The following ZNF143 variants were observed in gnomAD, a reference collection of about 807,000 sequenced individuals.
ZNF143 encodes the protein SPH-binding factor.
A neutral mutation model predicts 74.1 loss-of-function variants in ZNF143; 49 were observed. That is an observed-to-expected ratio of 0.66 (90% CI 0.53 to 0.84). The LOEUF is 0.84. Ranked by LOEUF, ZNF143 falls within the 40% of genes least tolerant of loss-of-function variation. ZNF143 has a pLI of 0.00. For synonymous variants in ZNF143, 304 were observed against 282.8 expected (o/e 1.07, Z -0.75); for missense variants, 637 against 793.4 (o/e 0.80, Z 2.37).
intron 7 of ZNF143, among the ~76,000 whole-genome samples, chr11:9,489,098 C>G (rs558750909): frequency 6.6e-6 from 1 of 152,106 alleles, no homozygotes; most frequent in Non-Finnish European, 1.5e-5. Context: ...TACTGTAGGT[C>G]ATTGCTATTT....
chr11:9,491,734 A>T (rs1194534126), intron 7 of ZNF143, among the ~76,000 whole-genome samples: 1 of 151,970 alleles, frequency 6.6e-6, no homozygotes, highest in Non-Finnish European at 1.5e-5. Context: ...GACTCGCGCG[A>T]TCCTCTCACC....
intron 3 of ZNF143, 106 bp downstream of exon 3, chr11:9,472,875 G>C: frequency 1.8e-6 from 1 of 549,766 alleles, no homozygotes; most frequent in Non-Finnish European, 2.9e-6. Flanking sequence ...TAAAGATGCT[G>C]TATTGCATAT....
chr11:9,493,938 C>G (rs574042726), intron 7 of ZNF143, among the ~76,000 whole-genome samples: 5 of 152,138 alleles, frequency 3.3e-5, no homozygotes, highest in Non-Finnish European at 5.9e-5. Context: ...ATGACCTACC[C>G]CTTTCTCATT....
chr11:9,466,406 C>T (rs1387657971), intron 1 of ZNF143, among the ~76,000 whole-genome samples: 1 of 151,836 alleles, frequency 6.6e-6, no homozygotes, highest in Non-Finnish European at 1.5e-5. Flanking sequence ...AGCGATTCTC[C>T]TGCTTCAGCC....
At chr11:9,502,221 C>A (rs1325556764) in intron 11 of ZNF143, among the ~76,000 whole-genome samples, 1 of 145,706 alleles carries the variant, frequency 6.9e-6, no homozygotes, top group Non-Finnish European at 1.5e-5. Context: ...CAGGTGTGAG[C>A]CACCGCGCCT....
chr11:9,512,117 GT>G (rs1393418705), intron 12 of ZNF143, among the ~76,000 whole-genome samples: 2 of 152,248 alleles, frequency 1.3e-5, no homozygotes, highest in African/African-American at 4.8e-5. Context: ...TTATTTGCTA[GT>G]TTTCCTGTAC....
At chr11:9,478,801 T>TA (rs1226281598) in intron 6 of ZNF143, among the ~76,000 whole-genome samples, 1 of 148,942 alleles carries the variant, frequency 6.7e-6, no homozygotes, top group Non-Finnish European at 1.5e-5. Flanking sequence ...ATTCAGAAAT[T>TA]AAAAAAAAAG....
chr11:9,489,519 G>A (rs1010712556), intron 7 of ZNF143, among the ~76,000 whole-genome samples: 2 of 152,158 alleles, frequency 1.3e-5, no homozygotes, highest in Non-Finnish European at 2.9e-5. Context: ...ATTCAACATT[G>A]TTTCGTTGGC....
chr11:9,514,702 A>C (rs547142562), intron 13 of ZNF143, among the ~76,000 whole-genome samples: 2 of 152,230 alleles, frequency 1.3e-5, no homozygotes, highest in Non-Finnish European at 2.9e-5. Context: ...ATAAAAATAC[A>C]AGAGAATATG....
chr11:9,464,659 C>T (rs890030988), intron 1 of ZNF143, among the ~76,000 whole-genome samples: 4 of 151,982 alleles, frequency 2.6e-5, no homozygotes, highest in African/African-American at 4.8e-5. Flanking sequence ...ATAATGCTCA[C>T]GCCTGTAATC....
intron 14 of ZNF143, among the ~76,000 whole-genome samples, chr11:9,520,565 G>T (rs949940861): frequency 6.6e-6 from 1 of 152,008 alleles, no homozygotes; most frequent in East Asian, 1.9e-4. Context: ...GGCTGAGGCA[G>T]GTGGATCACA....
In ZNF143 at chr11:9,524,391, A is replaced by G. The variant is rs75774315; in HGVS notation, c.1687-849A>G. Among the ~76,000 whole-genome samples the G allele has an allele frequency of 3.8e-3, 574 of 152,300 alleles. 5 individuals are homozygous for G. Among genetic ancestry groups the G allele is most frequent in the African/African-American group, 0.013 (552 of 41,568 alleles). On this transcript the variant is annotated intron_variant, in intron 14 of 15. Coordinates refer to ENST00000396602, the MANE Select transcript of ZNF143 (RefSeq NM_003442.6). The stretch of plus-strand genomic sequence containing the variant: ...TTATCTGCAGGAAGGTTAGCCCAAT[A>G]TAAGCTACTTAGACATTGCTGGAAT...
chr11:9,483,028 C>G (rs1847310429), intron 7 of ZNF143, among the ~76,000 whole-genome samples: 1 of 150,896 alleles, frequency 6.6e-6, no homozygotes, highest in Non-Finnish European at 1.5e-5. Flanking sequence ...GAGTCTTACT[C>G]TCTTGCCCAG....
At chr11:9,463,855 GT>G (rs1416755130) in intron 1 of ZNF143, 1 of 152,162 alleles carries the variant, frequency 6.6e-6, no homozygotes, top group East Asian at 1.9e-4. Flanking sequence ...TCATAGCATA[GT>G]TCCATTTCTG....
chr11:9,476,613 C>T (rs973375070), intron 5 of ZNF143, among the ~76,000 whole-genome samples: 2 of 151,932 alleles, frequency 1.3e-5, no homozygotes, highest in African/African-American at 4.8e-5. Flanking sequence ...CTCAGGTGAT[C>T]CGCCCACTTC....
At chr11:9,493,827 G>T (rs2094762285) in intron 7 of ZNF143, among the ~76,000 whole-genome samples, 1 of 152,116 alleles carries the variant, frequency 6.6e-6, no homozygotes, top group South Asian at 2.1e-4. Context: ...TCAGCATTTG[G>T]ATTTTTATGT....
At chr11:9,481,284 A>G (rs1220736345) in intron 7 of ZNF143, among the ~76,000 whole-genome samples, 1 of 152,126 alleles carries the variant, frequency 6.6e-6, no homozygotes, top group Non-Finnish European at 1.5e-5. Flanking sequence ...GCTGTTTGGG[A>G]GGCGAGGGCA....
At chr11:9,489,432 C>T (rs546024952) in intron 7 of ZNF143, among the ~76,000 whole-genome samples, 1 of 152,074 alleles carries the variant, frequency 6.6e-6, no homozygotes, top group African/African-American at 2.4e-5. Context: ...TTAAAGTCTC[C>T]ACTATAGACA....
At chr11:9,526,560 C>T (rs1393646872) in intron 15 of ZNF143, among the ~76,000 whole-genome samples, 1 of 151,574 alleles carries the variant, frequency 6.6e-6, no homozygotes, top group Non-Finnish European at 1.5e-5. Context: ...CTGAGGTAAG[C>T]ATCTTTTGTC....
Sources: gnomAD v4.1 joint callset for allele counts (sites outside exome capture counted in the v4.1 genomes callset) on GRCh38, gnomAD v4.1.1 for gene constraint, MANE v1.5 for transcripts, NCBI Gene and HGNC (gene_info 2026-07-23, HGNC 2026-07-21) for gene names.